Variants in BMPR1A observed in about 807,000 individuals in gnomAD.
BMPR1A encodes the protein bone morphogenetic protein receptor type-1A.
Under a neutral mutation model 66.0 loss-of-function variants are expected in BMPR1A, and 7 were observed. The ratio of observed to expected loss-of-function variants is 0.11; its 90% CI spans 0.06 to 0.20. BMPR1A has a LOEUF of 0.20. BMPR1A is among the 10% of genes least tolerant of loss of function. BMPR1A has a pLI of 1.00. For synonymous variants in BMPR1A, 200 were observed against 229.7 expected (o/e 0.87, Z 1.17); for missense variants, 408 against 669.1 (o/e 0.61, Z 4.31).
intron 3 of BMPR1A, among the ~76,000 whole-genome samples, chr10:86,880,034 T>C (rs1363895881): frequency 1.3e-5 from 2 of 152,236 alleles, no homozygotes; most frequent in Non-Finnish European, 2.9e-5. Flanking sequence ...GGATGATCTT[T>C]GTGGAGACTG....
rs144779555 is a variant in BMPR1A at position 86,762,938 on chromosome 10, C to G, written c.-268+6019C>G. ...TTGAGACGGAGTCTCACTCTGTCGC[C>G]CAGGCTGGAGTGCAGTGGCGTGATC... On this transcript the variant is annotated intron_variant, in intron 1 of 12. Transcript: ENST00000372037. Among the ~76,000 whole-genome samples, 3 of 152,128 alleles carry G rather than the reference C, an allele frequency of 2.0e-5. No individual in the cohort carries two copies. In the East Asian group the frequency reaches 5.8e-4, roughly 29 times the overall value.
At chr10:86,907,383 G>A (rs536430788) in intron 7 of BMPR1A, among the ~76,000 whole-genome samples, 1 of 152,342 alleles carries the variant, frequency 6.6e-6, no homozygotes, top group African/African-American at 2.4e-5. Flanking sequence ...ACTGCTGGTG[G>A]AAATGTAAAT....
intron 3 of BMPR1A, among the ~76,000 whole-genome samples, chr10:86,889,291 T>C (rs763152586): frequency 3.3e-5 from 5 of 152,228 alleles, no homozygotes; most frequent in Admixed American, 2.0e-4. Context: ...CAGCATCGTC[T>C]GCATTCAAAC....
At chr10:86,898,567 A>G (rs1843262618) in intron 5 of BMPR1A, among the ~76,000 whole-genome samples, 1 of 152,196 alleles carries the variant, frequency 6.6e-6, no homozygotes, top group Non-Finnish European at 1.5e-5. Flanking sequence ...AGAGAAGAAA[A>G]AACAAGACAG....
intron 1 of BMPR1A, among the ~76,000 whole-genome samples, chr10:86,815,467 T>C (rs1182597355): frequency 6.6e-6 from 1 of 152,188 alleles, no homozygotes; most frequent in Non-Finnish European, 1.5e-5. Context: ...ACCCTTACGC[T>C]ATAGGCCCTT....
rs371139666 is a variant in BMPR1A, at chr10:86,916,600, G to A, written c.676-534G>A. Among the ~76,000 whole-genome samples the A allele has an allele frequency of 3.3e-5, 5 of 152,346 alleles. No homozygotes were observed. In the East Asian group the frequency reaches 7.7e-4, roughly 23 times the overall value. The stretch of plus-strand genomic sequence containing the variant: ...AAGACTACCCACGACTGTGTGCACT[G>A]GGAGGGTAATTATTATGACCATTTT... On this transcript the variant is annotated intron_variant, in intron 8 of 12. Transcript: ENST00000372037.
chr10:86,812,252 C>A (rs1235579438), intron 1 of BMPR1A, among the ~76,000 whole-genome samples: 1 of 152,152 alleles, frequency 6.6e-6, no homozygotes, highest in Non-Finnish European at 1.5e-5. Flanking sequence ...TGTTTCCTGT[C>A]ACTCTAGTTT....
intron 1 of BMPR1A, among the ~76,000 whole-genome samples, chr10:86,792,478 G>T (rs1260204217): frequency 6.6e-6 from 1 of 152,144 alleles, no homozygotes; most frequent in African/African-American, 2.4e-5. Flanking sequence ...TTTATGGTCA[G>T]GAAATTTAAA....
chr10:86,883,925 A>G (rs1263084280), intron 3 of BMPR1A, among the ~76,000 whole-genome samples: 1 of 146,140 alleles, frequency 6.8e-6, no homozygotes, highest in Non-Finnish European at 1.5e-5. Flanking sequence ...CCCAGGCTGG[A>G]GTGCAGTGGC....
rs1308159635 is a variant in BMPR1A, at chr10:86,809,011, T to C, written c.-267-29854T>C. ...GGAACAAAAGAACTTGAACTCATAT[T>C]GAGTCCTGTGCTCACCTATCTGTTT... On this transcript the variant is annotated intron_variant, in intron 1 of 12. Coordinates refer to ENST00000372037, the MANE Select transcript of BMPR1A (RefSeq NM_004329.3). Among the ~76,000 whole-genome samples the C allele has an allele frequency of 3.3e-5, 5 of 152,218 alleles. No homozygotes were observed. In the East Asian group the frequency reaches 9.6e-4, roughly 29 times the overall value.
chr10:86,874,789 A>G lies in BMPR1A; in HGVS notation c.-152-1078A>G, dbSNP rs541161033. 7.2e-4 allele frequency among the ~76,000 whole-genome samples: 96 copies of G among 133,242 alleles called. 1 individual carries two copies. The South Asian group carries it at 8.1e-3, about 11-fold the overall frequency. 87.4% of individuals were successfully genotyped at this position (133,242 alleles called of 152,430 possible). On this transcript the variant is annotated intron_variant, in intron 2 of 12. Transcript: ENST00000372037. ...CTGGAGTGCAGTGGCACAATCTGCA[A>G]TCTTGGCTCACTGCAACCTCTGCCT...
At chr10:86,876,506 A>G (rs1246743161) in intron 3 of BMPR1A, among the ~76,000 whole-genome samples, 1 of 152,168 alleles carries the variant, frequency 6.6e-6, no homozygotes, top group Non-Finnish European at 1.5e-5. Flanking sequence ...TTTATTGGCC[A>G]GGCACAGTGG....
intron 1 of BMPR1A, among the ~76,000 whole-genome samples, chr10:86,828,439 C>T (rs1564697016): frequency 6.6e-6 from 1 of 152,024 alleles, no homozygotes; most frequent in Non-Finnish European, 1.5e-5. Context: ...ACAAATAAGC[C>T]AGTAAGTAAA....
chr10:86,772,098 A>G (rs1231374093), intron 1 of BMPR1A, among the ~76,000 whole-genome samples: 1 of 140,090 alleles, frequency 7.1e-6, no homozygotes, highest in Non-Finnish European at 1.5e-5. Context: ...AGATGTATAC[A>G]TGTTTAATTG....
intron 1 of BMPR1A, among the ~76,000 whole-genome samples, chr10:86,771,002 G>A (rs1443192043): frequency 6.6e-6 from 1 of 152,142 alleles, no homozygotes; most frequent in Admixed American, 6.5e-5. Flanking sequence ...GTATGAGGCT[G>A]TCACAGTACT....
At chr10:86,794,316 T>G (rs908647532) in intron 1 of BMPR1A, among the ~76,000 whole-genome samples, 3 of 152,206 alleles carry the variant, frequency 2.0e-5, no homozygotes, top group African/African-American at 7.2e-5. Flanking sequence ...TTCTGCTGTG[T>G]AGCAGCACTG....
intron 3 of BMPR1A, among the ~76,000 whole-genome samples, chr10:86,885,072 C>T (rs1434450224): frequency 6.6e-6 from 1 of 152,158 alleles, no homozygotes; most frequent in African/African-American, 2.4e-5. Flanking sequence ...CTTTGATTTT[C>T]CTCCTAGACC....
intron 1 of BMPR1A, among the ~76,000 whole-genome samples, chr10:86,778,433 G>A (rs968464434): frequency 2.6e-5 from 4 of 151,838 alleles, no homozygotes; most frequent in Admixed American, 1.3e-4. Context: ...GTGAGCCACC[G>A]TGCCTGCCCT....
At position 86,760,188 on chromosome 10, in the gene BMPR1A, G is replaced by GTGTT. The variant is rs764715631; in HGVS notation, c.-268+3270_-268+3271insGTTT. 3.4e-3 allele frequency among the ~76,000 whole-genome samples: 180 copies of GTGTT among 53,350 alleles called. 13 individuals are homozygous for GTGTT. The highest frequency in any genetic ancestry group is 0.012 in the Middle Eastern group (1 of 82). 35.0% of individuals were successfully genotyped at this position (53,350 alleles called of 152,430 possible). On this transcript the variant is annotated intron_variant, in intron 1 of 12. Transcript: ENST00000372037. ...TGTGGTATTTGCCTCAGATTTACCT[G>GTGTT]TTTTTTTTTTTTTTTTTTTTTAATA...
Sources: gnomAD v4.1 joint callset for allele counts (sites outside exome capture counted in the v4.1 genomes callset) on GRCh38, gnomAD v4.1.1 for gene constraint, MANE v1.5 for transcripts, NCBI Gene and HGNC (gene_info 2026-07-23, HGNC 2026-07-21) for gene names.